The following SRGAP2C variants were observed in gnomAD, a reference collection of about 807,000 sequenced individuals.
SRGAP2C encodes SLIT-ROBO Rho GTPase activating protein 2C.
In SRGAP2C, 15 loss-of-function variants were observed where a neutral mutation model predicts 25.1. That is an observed-to-expected ratio of 0.60 (90% CI 0.40 to 0.92). The LOEUF (loss-of-function observed/expected upper bound fraction) is 0.92, where lower values mean the gene tolerates loss of function less well. SRGAP2C is among the 40% of genes least tolerant of loss of function. The pLI, the probability that SRGAP2C is intolerant of heterozygous loss-of-function variation, is 0.00. For missense variants in SRGAP2C, 144 were observed against 264.4 expected, an observed-to-expected ratio of 0.54 and a Z score of 3.16; for synonymous variants, 44 against 96.6, an observed-to-expected ratio of 0.46 and a Z score of 3.19.
intron 2 of SRGAP2C, among the ~76,000 whole-genome samples, chr1:121,260,273 G>C (rs1437825833): frequency 1.3e-5 from 2 of 151,682 alleles, no homozygotes; most frequent in African/African-American, 4.8e-5. Context: ...AAGCCACGTG[G>C]ATATTGGGGG....
At chr1:121,249,595 TTTTA>T (rs1656305968) in intron 2 of SRGAP2C, among the ~76,000 whole-genome samples, 3 of 75,484 alleles carry the variant, frequency 4.0e-5, no homozygotes, top group African/African-American at 9.9e-5. Flanking sequence ...TTTTTTTTTT[TTTTA>T]AATTATACTT....
chr1:121,270,862 A>G (rs1205173131), intron 2 of SRGAP2C, among the ~76,000 whole-genome samples: 4 of 146,724 alleles, frequency 2.7e-5, no homozygotes, highest in African/African-American at 1.0e-4. Context: ...GTGCCATCTC[A>G]GCTCACTGCA....
rs1231177207 is a variant in SRGAP2C, at chr1:121,375,318, CTTTTT to C, written c.831+383_831+387del. On this transcript the variant is annotated intron_variant, in intron 7 of 9. Transcript: ENST00000367123. ...CTATCTGCCAGGAAATACTTTCTTC[CTTTTT>C]TTTTTTTTTTTTTTTTTTGAGATAG... Among the ~76,000 whole-genome samples, 3 of 19,810 alleles carry C rather than the reference CTTTTT, an allele frequency of 1.5e-4. 1 individual carries two copies. The highest frequency in any genetic ancestry group is 6.0e-4 in the Admixed American group (1 of 1,658). The allele number at this position is 19,810 out of a possible 152,430, so 13.0% of individuals were successfully genotyped here. A position where few individuals can be genotyped will look rare whatever the true frequency, so the allele number is the denominator to read the frequency against.
At chr1:121,268,010 G>A (rs1249692391) in intron 2 of SRGAP2C, among the ~76,000 whole-genome samples, 1 of 148,232 alleles carries the variant, frequency 6.7e-6, no homozygotes, top group African/African-American at 2.5e-5. Flanking sequence ...CATTCAATGT[G>A]CCTTTATTGA....
chr1:121,286,717 C>T (rs1414984421), intron 3 of SRGAP2C, among the ~76,000 whole-genome samples: 1 of 152,116 alleles, frequency 6.6e-6, no homozygotes. Flanking sequence ...AATGCTGTTC[C>T]ATTCACAAAG....
At chr1:121,305,416 A>C (rs1335440599) in intron 3 of SRGAP2C, among the ~76,000 whole-genome samples, 1 of 65,142 alleles carries the variant, frequency 1.5e-5, no homozygotes, top group African/African-American at 6.4e-5. Flanking sequence ...CTGTTCTGAA[A>C]TCCTTGAAAT....
chr1:121,219,031 T>A (rs1440834954), intron 2 of SRGAP2C, among the ~76,000 whole-genome samples: 11 of 152,342 alleles, frequency 7.2e-5, no homozygotes, highest in African/African-American at 2.4e-4. Flanking sequence ...TTTAGCAACT[T>A]GCCTTCAAAT....
At chr1:121,192,002 G>T (rs1462611496) in intron 2 of SRGAP2C, among the ~76,000 whole-genome samples, 1 of 150,826 alleles carries the variant, frequency 6.6e-6, no homozygotes, top group Non-Finnish European at 1.5e-5. Flanking sequence ...TAGAAAAAGT[G>T]CAGGCCTTTG....
chr1:121,226,063 G>A (rs587683219), intron 2 of SRGAP2C, among the ~76,000 whole-genome samples: 2 of 152,228 alleles, frequency 1.3e-5, no homozygotes, highest in African/African-American at 4.8e-5. Flanking sequence ...AAGAGGGCCT[G>A]AAATGGTGGT....
At chr1:121,219,044 C>A (rs1655468186) in intron 2 of SRGAP2C, among the ~76,000 whole-genome samples, 1 of 152,210 alleles carries the variant, frequency 6.6e-6, no homozygotes, top group Non-Finnish European at 1.5e-5. Flanking sequence ...CTTCAAATTT[C>A]TTCCAAGCAT....
chr1:121,201,542 T>C lies in SRGAP2C; in HGVS notation c.67+14029T>C, dbSNP rs587710016. Among the ~76,000 whole-genome samples the C allele has an allele frequency of 2.0e-5, 3 of 152,368 alleles. No individual in the cohort carries two copies. The South Asian group carries it at 6.2e-4, about 32-fold the overall frequency. ...TAACCTTCTCTTGTGTTAAATCTCC[T>C]TACTCTTATTAGAAGAAAAGGCATA... On this transcript the variant is annotated intron_variant, in intron 2 of 9. Coordinates refer to ENST00000367123, the MANE Select transcript of SRGAP2C (RefSeq NM_001329984.2).
intron 4 of SRGAP2C, among the ~76,000 whole-genome samples, chr1:121,350,679 T>C (rs1658879096): frequency 6.6e-6 from 1 of 152,128 alleles, no homozygotes; most frequent in African/African-American, 2.4e-5. Context: ...TTCATGATCT[T>C]GGATTAGGCA....
intron 2 of SRGAP2C, among the ~76,000 whole-genome samples, chr1:121,239,695 G>A (rs1319608484): frequency 4.0e-5 from 6 of 150,808 alleles, no homozygotes; most frequent in African/African-American, 1.5e-4. Context: ...AATTAAATCA[G>A]GGGTCAGCAA....
intron 2 of SRGAP2C, among the ~76,000 whole-genome samples, chr1:121,231,033 C>CG (rs1247626638): frequency 3.1e-5 from 4 of 128,592 alleles, no homozygotes; most frequent in Non-Finnish European, 6.5e-5. Flanking sequence ...CAGGGCCTGT[C>CG]GGGGGGTGAG....
intron 3 of SRGAP2C, among the ~76,000 whole-genome samples, chr1:121,304,135 C>T (rs1192753267): frequency 1.8e-4 from 27 of 148,172 alleles, no homozygotes; most frequent in Non-Finnish European, 3.1e-4. Flanking sequence ...GGGGTGAACC[C>T]GGGAGGTGGA....
At chr1:121,314,046 A>T (rs1439114458) in intron 3 of SRGAP2C, among the ~76,000 whole-genome samples, 6 of 118,320 alleles carry the variant, frequency 5.1e-5, no homozygotes, top group Non-Finnish European at 8.8e-5. Context: ...CATTCTCCCC[A>T]TCACTTTCAG....
intron 7 of SRGAP2C, among the ~76,000 whole-genome samples, chr1:121,380,859 GA>G (rs1659797124): frequency 6.7e-6 from 1 of 149,992 alleles, no homozygotes; most frequent in Non-Finnish European, 1.5e-5. Context: ...TAAGAATGGA[GA>G]GGAAAGGGAA....
intron 2 of SRGAP2C, among the ~76,000 whole-genome samples, chr1:121,273,772 C>T (rs1465998712): frequency 6.6e-6 from 1 of 151,798 alleles, no homozygotes; most frequent in Non-Finnish European, 1.5e-5. Context: ...ATTCTTGGAG[C>T]CTCCACTTCT....
intron 2 of SRGAP2C, among the ~76,000 whole-genome samples, chr1:121,192,429 G>T (rs1311030647): frequency 1.8e-4 from 28 of 151,510 alleles, no homozygotes; most frequent in South Asian, 1.5e-3. Flanking sequence ...ACTCCTGGAA[G>T]AAAATGAAAC....
Sources: gnomAD v4.1 joint callset for allele counts (sites outside exome capture counted in the v4.1 genomes callset) on GRCh38, gnomAD v4.1.1 for gene constraint, MANE v1.5 for transcripts, NCBI Gene and HGNC (gene_info 2026-07-23, HGNC 2026-07-21) for gene names.